The following ADAM12 variants were observed in gnomAD, a reference collection of about 807,000 sequenced individuals.
ADAM12 encodes disintegrin and metalloproteinase domain-containing protein 12.
ADAM12 carries 70 observed loss-of-function variants against 106.4 expected under a neutral mutation model. That is an observed-to-expected ratio of 0.66 (90% CI 0.54 to 0.80). The LOEUF is 0.80. ADAM12 is among the 30% of genes least tolerant of loss of function. ADAM12 has a pLI of 0.00. For missense variants in ADAM12, 1,010 were observed against 1,171.9 expected, an observed-to-expected ratio of 0.86 and a Z score of 2.02; for synonymous variants, 420 against 433.5, an observed-to-expected ratio of 0.97 and a Z score of 0.39.
At chr10:126,244,885 G>A (rs2133663533) in intron 3 of ADAM12, among the ~76,000 whole-genome samples, 1 of 152,334 alleles carries the variant, frequency 6.6e-6, no homozygotes, top group African/African-American at 2.4e-5. Flanking sequence ...ATTAGCAAAT[G>A]AGTAGACATT....
At chr10:126,265,841 CG>C (rs1959086654) in intron 3 of ADAM12, among the ~76,000 whole-genome samples, 1 of 152,080 alleles carries the variant, frequency 6.6e-6, no homozygotes, top group South Asian at 2.1e-4. Context: ...ACACATACAA[CG>C]TGGGGACTGT....
At chr10:126,143,099 A>T (rs1156839183) in intron 4 of ADAM12, among the ~76,000 whole-genome samples, 2 of 150,622 alleles carry the variant, frequency 1.3e-5, no homozygotes, top group Non-Finnish European at 2.9e-5. Flanking sequence ...GTACGTGTGT[A>T]TATGGTGTGC....
At chr10:126,220,468 T>C (rs879865313) in intron 3 of ADAM12, among the ~76,000 whole-genome samples, 7 of 152,320 alleles carry the variant, frequency 4.6e-5, no homozygotes, top group Non-Finnish European at 8.8e-5. Context: ...TAGTTAAATT[T>C]GAATTTCAAA....
intron 3 of ADAM12, among the ~76,000 whole-genome samples, chr10:126,168,269 A>C (rs5024596): frequency 6.6e-6 from 1 of 152,080 alleles, no homozygotes; most frequent in Non-Finnish European, 1.5e-5. Flanking sequence ...GTGGACAAGA[A>C]GACCAAACTA....
chr10:126,192,723 G>A (rs1380895450), intron 3 of ADAM12, among the ~76,000 whole-genome samples: 1 of 152,206 alleles, frequency 6.6e-6, no homozygotes, highest in African/African-American at 2.4e-5. Context: ...TTCTGAAGTG[G>A]TTAAAGAATA....
At chr10:126,108,016 C>G (rs1330348342) in intron 8 of ADAM12, among the ~76,000 whole-genome samples, 1 of 152,170 alleles carries the variant, frequency 6.6e-6, no homozygotes, top group East Asian at 1.9e-4. Context: ...TTTGCAGGGG[C>G]TCCTCCAGCA....
At chr10:126,332,463 A>T (rs1854554800) in intron 1 of ADAM12, among the ~76,000 whole-genome samples, 1 of 152,236 alleles carries the variant, frequency 6.6e-6, no homozygotes, top group Admixed American at 6.5e-5. Flanking sequence ...GCTGTGAAAC[A>T]GCAGGACCAC....
intron 3 of ADAM12, among the ~76,000 whole-genome samples, chr10:126,210,514 G>A (rs556809762): frequency 1.3e-5 from 2 of 152,206 alleles, no homozygotes; most frequent in African/African-American, 2.4e-5. Context: ...TGGGGTAGGG[G>A]CAGGGCCACA....
chr10:126,094,734 A>C (rs1015131114), intron 10 of ADAM12, among the ~76,000 whole-genome samples: 1 of 152,180 alleles, frequency 6.6e-6, no homozygotes, highest in Non-Finnish European at 1.5e-5. Context: ...TTCATTTAAG[A>C]TTATAAACCA....
chr10:126,161,453 C>A (rs137891730), intron 3 of ADAM12, among the ~76,000 whole-genome samples: 176 of 152,264 alleles, frequency 1.2e-3, no homozygotes, highest in African/African-American at 4.1e-3. Context: ...GCTACCAGAC[C>A]TTACAGGATG....
At position 126,086,885 on chromosome 10, in the gene ADAM12, T is replaced by C. The variant is rs112496090; in HGVS notation, c.1145+7100A>G. ...CCTGTCTCTACTAAAATACAAAAAT[T>C]AGCTGGGTTTGGTAGTGTGCACCTG... On this transcript the variant is annotated intron_variant, in intron 11 of 22. Coordinates refer to ENST00000448723, the MANE Select transcript of ADAM12 (RefSeq NM_001288973.2). Among the ~76,000 whole-genome samples the C allele has an allele frequency of 3.0e-3, 438 of 148,300 alleles. 5 individuals are homozygous for C. The highest frequency in any genetic ancestry group is 0.01 in the African/African-American group (420 of 40,008).
intron 2 of ADAM12, among the ~76,000 whole-genome samples, chr10:126,323,188 A>T (rs930796084): frequency 4.6e-5 from 7 of 152,222 alleles, no homozygotes; most frequent in Non-Finnish European, 8.8e-5. Context: ...CTAATGTAAA[A>T]TAGATGCTTC....
intron 2 of ADAM12, among the ~76,000 whole-genome samples, chr10:126,289,027 G>T (rs1165773914): frequency 6.9e-6 from 1 of 144,436 alleles, no homozygotes; most frequent in East Asian, 2.2e-4. Context: ...CCAGGAATAA[G>T]ATTGTGTGGT....
At chr10:126,218,242 A>G (rs1241405919) in intron 3 of ADAM12, among the ~76,000 whole-genome samples, 1 of 152,164 alleles carries the variant, frequency 6.6e-6, no homozygotes, top group Admixed American at 6.5e-5. Flanking sequence ...GAGAAGGGAC[A>G]CTATAATACA....
chr10:126,305,214 A>C (rs1351763900), intron 2 of ADAM12, among the ~76,000 whole-genome samples: 4 of 152,084 alleles, frequency 2.6e-5, no homozygotes, highest in Admixed American at 6.6e-5. Flanking sequence ...GAATCAACCC[A>C]AATATCCATC....
chr10:126,202,595 A>G (rs946163102), intron 3 of ADAM12, among the ~76,000 whole-genome samples: 5 of 152,186 alleles, frequency 3.3e-5, no homozygotes, highest in Non-Finnish European at 5.9e-5. Context: ...ATTTTTAAAA[A>G]CTTTCTCTCA....
intron 2 of ADAM12, among the ~76,000 whole-genome samples, chr10:126,305,915 T>C (rs1350411868): frequency 6.6e-6 from 1 of 152,036 alleles, no homozygotes; most frequent in East Asian, 1.9e-4. Context: ...TTGCATGGCA[T>C]ATATATTTTT....
intron 14 of ADAM12, among the ~76,000 whole-genome samples, chr10:126,055,730 A>G (rs17154161): frequency 0.069 from 10,564 of 152,246 alleles, 516 homozygotes; most frequent in South Asian, 0.2. Flanking sequence ...AACCACCAAC[A>G]TATTCTCCTG....
At chr10:126,042,054 G>A in intron 18 of ADAM12, 3 of 1,552,562 alleles carry the variant, frequency 1.9e-6, no homozygotes, top group Non-Finnish European at 2.6e-6. Context: ...AGTCAATGCT[G>A]CCAGTCACAG....
Sources: allele counts gnomAD v4.1 joint callset (sites outside exome capture counted in the v4.1 genomes callset), GRCh38; gene constraint gnomAD v4.1.1; transcripts MANE v1.5; gene names NCBI Gene and HGNC (gene_info 2026-07-23, HGNC 2026-07-21).